The following COG5 variants were observed in gnomAD, a reference collection of about 807,000 sequenced individuals.
COG5 encodes conserved oligomeric Golgi complex subunit 5.
COG5 carries 86 observed loss-of-function variants against 110.4 expected under a neutral mutation model. The observed-to-expected ratio is 0.78, with a 90% CI of 0.65 to 0.93. The LOEUF (loss-of-function observed/expected upper bound fraction) is 0.93. COG5 is among the 40% of genes least tolerant of loss of function. The pLI, the probability that COG5 is intolerant of heterozygous loss-of-function variation, is 0.00. For missense variants in COG5, 1,077 were observed against 987.0 expected (o/e 1.09, Z -1.22); for synonymous variants, 360 against 334.6 (o/e 1.08, Z -0.83).
chr7:107,428,998 A>G (rs1793835158), intron 6 of COG5, among the ~76,000 whole-genome samples: 1 of 152,262 alleles, frequency 6.6e-6, no homozygotes, highest in South Asian at 2.1e-4. Flanking sequence ...ATTTTGCTAA[A>G]TAAAATGGAG....
At chr7:107,332,092 C>A (rs1244208738) in intron 10 of COG5, among the ~76,000 whole-genome samples, 1 of 152,122 alleles carries the variant, frequency 6.6e-6, no homozygotes, top group Non-Finnish European at 1.5e-5. Context: ...CATGTGATCG[C>A]CCGCCTTGGC....
intron 6 of COG5, among the ~76,000 whole-genome samples, chr7:107,416,199 A>G (rs975283560): frequency 2.0e-5 from 3 of 151,918 alleles, no homozygotes; most frequent in African/African-American, 4.8e-5. Flanking sequence ...CATGTACAAG[A>G]ATGTTCATAG....
At chr7:107,493,737 A>G (rs796394562) in intron 6 of COG5, among the ~76,000 whole-genome samples, 13 of 152,278 alleles carry the variant, frequency 8.5e-5, no homozygotes, top group African/African-American at 3.1e-4. Flanking sequence ...AAGACCCATG[A>G]GTTCAACACA....
chr7:107,440,139 G>C (rs1794620405), intron 6 of COG5, among the ~76,000 whole-genome samples: 2 of 152,196 alleles, frequency 1.3e-5, no homozygotes, highest in Admixed American at 6.5e-5. Context: ...TACTGTGTAA[G>C]AATCTACTTG....
rs903726551 is a variant in COG5, at chr7:107,201,853, G to T, written c.*1663C>A. 1 of 154,556 alleles carries T rather than the reference G, an allele frequency of 6.5e-6. No homozygotes were observed. Among genetic ancestry groups the T allele is most frequent in the Non-Finnish European group, 1.4e-5 (1 of 69,438 alleles). The allele number at this position is 154,556 out of a possible 1,614,324, so 9.6% of individuals were successfully genotyped here. ...GCTTATTAATCTGTATTGTACACATGATGAAATGAAGCAGAAGCTGGGAGT... is the reference window on the plus strand; with the variant it reads ...GCTTATTAATCTGTATTGTACACATTATGAAATGAAGCAGAAGCTGGGAGT... On this transcript the variant is annotated 3_prime_UTR_variant, in exon 22 of 22. Transcript: ENST00000297135.
Position 107,397,447 on chromosome 7 carries a change from G to C in COG5, c.669+15055C>G, listed in dbSNP as rs949133823. 2.6e-5 allele frequency among the ~76,000 whole-genome samples: 4 copies of C among 152,022 alleles called. 1 individual carries two copies. The East Asian group carries it at 8.0e-4, about 30-fold the overall frequency. ...GTTGGTGTAAGCCACTATTAATCTA[G>C]CTTGCTGTTAACAGTTCATACAGCC... On this transcript the variant is annotated intron_variant, in intron 7 of 21. Coordinates refer to ENST00000297135, the MANE Select transcript of COG5 (RefSeq NM_006348.5).
At chr7:107,296,602 T>TTA (rs1562956529) in intron 12 of COG5, among the ~76,000 whole-genome samples, 2 of 132,626 alleles carry the variant, frequency 1.5e-5, no homozygotes, top group Admixed American at 1.5e-4. Flanking sequence ...TTTTTTTTTT[T>TTA]AAAGAGAGAC....
chr7:107,215,042 A>G (rs1799425009), intron 19 of COG5, among the ~76,000 whole-genome samples: 1 of 152,138 alleles, frequency 6.6e-6, no homozygotes, highest in South Asian at 2.1e-4. Context: ...ATAAAAATGT[A>G]GAGTTGTTGT....
chr7:107,521,240 A>G (rs1291612027), intron 6 of COG5, among the ~76,000 whole-genome samples: 3 of 152,216 alleles, frequency 2.0e-5, no homozygotes. Flanking sequence ...ATGGGCAAAG[A>G]TTTCATGATG....
At chr7:107,319,468 T>C (rs1054469) in intron 11 of COG5, among the ~76,000 whole-genome samples, 2,243 of 152,244 alleles carry the variant, frequency 0.015, 53 homozygotes, top group African/African-American at 0.052. Flanking sequence ...TTGATTCCCA[T>C]TTTTTTGTGT....
At chr7:107,242,281 G>A (rs746061574) in intron 17 of COG5, among the ~76,000 whole-genome samples, 3 of 152,158 alleles carry the variant, frequency 2.0e-5, no homozygotes, top group Non-Finnish European at 2.9e-5. Flanking sequence ...CGCCTCACCC[G>A]GGAGCAACAC....
chr7:107,373,580 G>C (rs978559775), intron 7 of COG5, among the ~76,000 whole-genome samples: 7 of 152,142 alleles, frequency 4.6e-5, no homozygotes, highest in African/African-American at 1.7e-4. Context: ...GTATGCTAGG[G>C]AAAGAGCAAG....
chr7:107,558,155 C>A, intron 1 of COG5, 40 bp from the exon 2 acceptor site: 1 of 1,593,984 alleles, frequency 6.3e-7, no homozygotes, highest in South Asian at 1.1e-5. Context: ...CTTAATTACC[C>A]TGTACTAAAC....
intron 6 of COG5, among the ~76,000 whole-genome samples, chr7:107,417,434 T>C (rs1021483002): frequency 1.1e-4 from 16 of 152,182 alleles, no homozygotes; most frequent in African/African-American, 3.6e-4. Context: ...CAGCTCCCAA[T>C]ATTTCATCAA....
intron 5 of COG5, among the ~76,000 whole-genome samples, chr7:107,541,286 C>T (rs1017043387): frequency 6.6e-6 from 1 of 150,714 alleles, no homozygotes; most frequent in African/African-American, 2.4e-5. Flanking sequence ...TGCTTGACCT[C>T]AGGAGTTCGA....
intron 7 of COG5, among the ~76,000 whole-genome samples, chr7:107,396,601 G>T (rs1437204560): frequency 1.3e-5 from 2 of 151,774 alleles, no homozygotes; most frequent in Non-Finnish European, 2.9e-5. Flanking sequence ...ATTAGAAGAG[G>T]AAAGTTCTAC....
intron 16 of COG5, among the ~76,000 whole-genome samples, chr7:107,249,880 A>G (rs1802364066): frequency 6.6e-6 from 1 of 152,042 alleles, no homozygotes; most frequent in Non-Finnish European, 1.5e-5. Context: ...TGACACTAAA[A>G]AAGTTTCGGA....
In COG5 at chr7:107,364,311, T is replaced by C. The variant is rs112791707; in HGVS notation, c.836-1891A>G. The stretch of plus-strand genomic sequence containing the variant: ...AACAACAAAAAAGCCAGTGGTGCTG[T>C]TTTTTATTAAAGAGACAAGACAGCC... On this transcript the variant is annotated intron_variant, in intron 8 of 21. Coordinates refer to ENST00000297135, the MANE Select transcript of COG5 (RefSeq NM_006348.5). 6.6e-5 allele frequency among the ~76,000 whole-genome samples: 10 copies of C among 152,326 alleles called. 3 individuals carry two copies. The highest frequency in any genetic ancestry group is 2.4e-4 in the African/African-American group (10 of 41,568).
At chr7:107,504,146 C>T (rs1798815860) in intron 6 of COG5, among the ~76,000 whole-genome samples, 3 of 152,012 alleles carry the variant, frequency 2.0e-5, no homozygotes, top group Admixed American at 6.6e-5. Context: ...TCATATATGG[C>T]TTTTATTAAT....
Sources: gnomAD v4.1 joint callset for allele counts (sites outside exome capture counted in the v4.1 genomes callset) on GRCh38, gnomAD v4.1.1 for gene constraint, MANE v1.5 for transcripts, NCBI Gene and HGNC (gene_info 2026-07-23, HGNC 2026-07-21) for gene names.